The following GPM6B variants were observed in gnomAD, a reference collection of about 807,000 sequenced individuals.
GPM6B encodes the protein neuronal membrane glycoprotein M6-b.
Under a neutral mutation model 27.2 loss-of-function variants are expected in GPM6B, and 4 were observed. That is an observed-to-expected ratio of 0.15 (90% CI 0.07 to 0.34). GPM6B has a LOEUF of 0.34. Ranked by LOEUF, GPM6B falls within the 10% of genes least tolerant of loss-of-function variation. The probability of loss-of-function intolerance (pLI) is 1.00; values close to 1 mark genes in which losing one functional copy is unlikely to be tolerated. For missense variants in GPM6B, 183 were observed against 261.9 expected (o/e 0.70, Z 2.08); for synonymous variants, 124 against 103.1 (o/e 1.20, Z -1.23).
At chrX:13,774,645 A>G in intron 7 of GPM6B, 1 of 1,149,818 alleles carries the variant, frequency 8.7e-7, no homozygotes, top group South Asian at 1.8e-5. Flanking sequence ...AGAACAAAAC[A>G]GGACAGTAAG....
chrX:13,862,385 G>A (rs766448500), intron 1 of GPM6B, among the ~76,000 whole-genome samples: 1 of 111,459 alleles, frequency 9.0e-6, no homozygotes, highest in Non-Finnish European at 1.9e-5. Context: ...AACTACACAC[G>A]TCAGGATACT....
intron 1 of GPM6B, among the ~76,000 whole-genome samples, chrX:13,891,618 C>T (rs1277109947): frequency 8.9e-6 from 1 of 112,379 alleles, no homozygotes; most frequent in Non-Finnish European, 1.9e-5. Context: ...CGACGCACTG[C>T]TATGTGTCCG....
At chrX:13,838,630 G>A (rs1476538701) in intron 1 of GPM6B, among the ~76,000 whole-genome samples, 2 of 111,997 alleles carry the variant, frequency 1.8e-5, no homozygotes, top group Non-Finnish European at 3.8e-5. Flanking sequence ...AAGGGCCAAG[G>A]TGGAACCAGG....
At position 13,872,385 on chromosome X, in the gene GPM6B, G is replaced by A. The variant is rs1431231091; in HGVS notation, c.-198+65942C>T. On this transcript the variant is annotated intron_variant, in intron 1 of 6. Transcript: ENST00000398361. The stretch of plus-strand genomic sequence containing the variant: ...GGGTTTCACTATGTTGCCCAGGCTG[G>A]TCTCAAACTCCTGGGCTCAAGCAAT... Among the ~76,000 whole-genome samples the A allele has an allele frequency of 2.7e-5, 3 of 110,042 alleles. No individual in the cohort carries two copies. In the South Asian group the frequency reaches 1.2e-3, roughly 43 times the overall value.
intron 1 of GPM6B, among the ~76,000 whole-genome samples, chrX:13,910,813 A>G (rs2050372906): frequency 8.9e-6 from 1 of 112,840 alleles, no homozygotes; most frequent in African/African-American, 3.2e-5. Flanking sequence ...ACAACTAAGC[A>G]TTAAGAAGCT....
At chrX:13,915,668 C>T (rs1238415299) in intron 1 of GPM6B, among the ~76,000 whole-genome samples, 1 of 112,475 alleles carries the variant, frequency 8.9e-6, no homozygotes, top group African/African-American at 3.2e-5. Context: ...AGTAAGGACT[C>T]AGTAAATTTT....
At chrX:13,854,867 C>T (rs1364551498) in intron 1 of GPM6B, among the ~76,000 whole-genome samples, 2 of 111,518 alleles carry the variant, frequency 1.8e-5, no homozygotes, top group African/African-American at 6.5e-5. Flanking sequence ...GTTCTTCTCC[C>T]AACCTCTCTC....
intron 1 of GPM6B, among the ~76,000 whole-genome samples, chrX:13,911,587 C>A (rs1458184297): frequency 8.9e-6 from 1 of 112,427 alleles, no homozygotes; most frequent in Admixed American, 9.4e-5. Flanking sequence ...GGCAGCTACA[C>A]AGACCATGAA....
intron 1 of GPM6B, among the ~76,000 whole-genome samples, chrX:13,883,816 C>G (rs1381478878): frequency 9.0e-6 from 1 of 110,547 alleles, no homozygotes; most frequent in Non-Finnish European, 1.9e-5. Context: ...CCACTGCATT[C>G]CAGCCTGGGC....
At chrX:13,861,688 T>C (rs2049854927) in intron 1 of GPM6B, among the ~76,000 whole-genome samples, 2 of 112,104 alleles carry the variant, frequency 1.8e-5, no homozygotes, top group African/African-American at 6.5e-5. Flanking sequence ...AAAATCTCTT[T>C]TAGGCTCTTA....
At chrX:13,860,192 C>T (rs1042972677) in intron 1 of GPM6B, among the ~76,000 whole-genome samples, 1 of 112,357 alleles carries the variant, frequency 8.9e-6, no homozygotes, top group African/African-American at 3.2e-5. Context: ...AGACAATCTT[C>T]ACTACAATTT....
chrX:13,913,681 T>G (rs1330670986), intron 1 of GPM6B, among the ~76,000 whole-genome samples: 1 of 112,067 alleles, frequency 8.9e-6, no homozygotes, highest in Non-Finnish European at 1.9e-5. Flanking sequence ...TTTTGGAGCA[T>G]TTCACAAAAT....
intron 1 of GPM6B, among the ~76,000 whole-genome samples, chrX:13,861,131 T>TATATATA (rs2049846428): frequency 1.1e-5 from 1 of 88,649 alleles, no homozygotes; most frequent in Non-Finnish European, 2.1e-5. Flanking sequence ...CACATACATA[T>TATATATA]ATATATAATA....
intron 3 of GPM6B, among the ~76,000 whole-genome samples, chrX:13,784,387 G>A (rs1289774454): frequency 8.9e-6 from 1 of 112,025 alleles, no homozygotes; most frequent in Non-Finnish European, 1.9e-5. Context: ...AACTCAGTGA[G>A]TCCCCTGTCC....
chrX:13,818,088 A>G (rs905190122), upstream of GPM6B, among the ~76,000 whole-genome samples: 2 of 112,309 alleles, frequency 1.8e-5, no homozygotes, highest in African/African-American at 6.5e-5. Flanking sequence ...CATGAGGCCA[A>G]CATTCTCAAC....
At chrX:13,811,180 G>C (rs1159970288) in intron 1 of GPM6B, among the ~76,000 whole-genome samples, 2 of 112,569 alleles carry the variant, frequency 1.8e-5, no homozygotes, top group African/African-American at 6.5e-5. Flanking sequence ...GTGACCAGTG[G>C]TGGCTTATGA....
intron 1 of GPM6B, among the ~76,000 whole-genome samples, chrX:13,841,995 A>G (rs1310095362): frequency 4.5e-5 from 5 of 112,107 alleles, no homozygotes; most frequent in African/African-American, 6.5e-5. Flanking sequence ...GGAAACCTCA[A>G]TGAATCGATT....
At chrX:13,915,987 T>C (rs1451280044) in intron 1 of GPM6B, among the ~76,000 whole-genome samples, 2 of 111,854 alleles carry the variant, frequency 1.8e-5, no homozygotes, top group African/African-American at 3.3e-5. Context: ...ATCTAATAAT[T>C]AAGTGCATCT....
chrX:13,771,605 A>T lies in GPM6B; in HGVS notation c.*1276T>A, dbSNP rs2048300229. 1 of 112,054 alleles carries T rather than the reference A, an allele frequency of 8.9e-6. No individual in the cohort carries two copies. Among genetic ancestry groups the T allele is most frequent in the African/African-American group, 3.2e-5 (1 of 30,786 alleles). 9.2% of individuals were successfully genotyped at this position (112,054 alleles called of 1,213,427 possible). ...AATGAATATACATAGTTAACCCTAT[A>T]GTAAGCAGCCCCTTTGAAAAGCACT... is the stretch of plus-strand genomic sequence containing the variant. On this transcript the variant is annotated 3_prime_UTR_variant, in exon 8 of 8. Coordinates refer to ENST00000316715, the MANE Select transcript of GPM6B (RefSeq NM_001001995.3).
Sources: gnomAD v4.1 joint callset for allele counts (sites outside exome capture counted in the v4.1 genomes callset) on GRCh38, gnomAD v4.1.1 for gene constraint, MANE v1.5 for transcripts, NCBI Gene and HGNC (gene_info 2026-07-23, HGNC 2026-07-21) for gene names.